The following RALYL variants were observed in gnomAD, a reference collection of about 807,000 sequenced individuals.
The protein encoded by RALYL is RNA-binding Raly-like protein.
In RALYL, 29 loss-of-function variants were observed where a neutral mutation model predicts 35.1. The ratio of observed to expected loss-of-function variants is 0.83; its 90% confidence interval spans 0.61 to 1.13. The LOEUF (loss-of-function observed/expected upper bound fraction) is 1.13. Ranked by LOEUF, RALYL falls within the 50% of genes most tolerant of loss-of-function variation. The pLI, the probability that RALYL is intolerant of heterozygous loss-of-function variation, is 0.00. For synonymous variants in RALYL, 120 were observed against 127.6 expected (o/e 0.94, Z 0.40); for missense variants, 359 against 360.4 (o/e 1.00, Z 0.03).
chr8:84,852,079 T>A (rs1052865792), intron 5 of RALYL, among the ~76,000 whole-genome samples: 3 of 152,172 alleles, frequency 2.0e-5, no homozygotes, highest in Non-Finnish European at 4.4e-5. Context: ...AGCTAATTAG[T>A]GACAGAACTA....
At chr8:84,524,944 G>T (rs2058759307) in intron 1 of RALYL, among the ~76,000 whole-genome samples, 1 of 151,306 alleles carries the variant, frequency 6.6e-6, no homozygotes, top group Non-Finnish European at 1.5e-5. Context: ...ATAGCTAGAT[G>T]TATTTCTGAT....
chr8:84,640,993 T>C (rs547482434), intron 2 of RALYL, among the ~76,000 whole-genome samples: 74 of 151,918 alleles, frequency 4.9e-4, no homozygotes, highest in African/African-American at 1.5e-3. Context: ...ACAGCTTACA[T>C]AGACCATTTA....
chr8:84,664,348 GT>G (rs527771409), intron 2 of RALYL, among the ~76,000 whole-genome samples: 3 of 137,582 alleles, frequency 2.2e-5, no homozygotes, highest in African/African-American at 8.1e-5. Context: ...TTTAAAATAG[GT>G]TTTTTCTAGT....
chr8:84,631,376 T>C (rs1346682249), intron 2 of RALYL, among the ~76,000 whole-genome samples: 3 of 151,970 alleles, frequency 2.0e-5, no homozygotes, highest in Non-Finnish European at 4.4e-5. Context: ...CCTTTTAGTG[T>C]TTGGAAATTG....
chr8:84,725,329 T>C (rs1449761364), intron 2 of RALYL, among the ~76,000 whole-genome samples: 1 of 151,764 alleles, frequency 6.6e-6, no homozygotes, highest in Admixed American at 6.6e-5. Context: ...TCTTTTTCCA[T>C]TACTATAGAA....
rs181619870 is a variant in RALYL at position 84,864,613 on chromosome 8, G to C, written c.571+2160G>C. The C allele has an allele frequency of 1.7e-4, 46 of 268,840 alleles. No individual in the cohort carries two copies. In the East Asian group the frequency reaches 3.2e-3, roughly 18 times the overall value. The allele number at this position is 268,840 out of a possible 1,614,324, so 16.7% of individuals were successfully genotyped here. ...TATCCTAAGGATTAAATCTAAGCTT[G>C]GAGGTAGAATAGTCATGTGGTTTCC... On this transcript the variant is annotated intron_variant, in intron 6 of 8. Transcript: ENST00000521268.
At chr8:84,823,598 T>A (rs1305945554) in intron 4 of RALYL, among the ~76,000 whole-genome samples, 1 of 152,052 alleles carries the variant, frequency 6.6e-6, no homozygotes, top group Non-Finnish European at 1.5e-5. Context: ...GTTTTAACTT[T>A]TCTTCAACTT....
chr8:84,732,690 A>ACACACACACACT (rs1846464570), intron 2 of RALYL, among the ~76,000 whole-genome samples: 1 of 147,924 alleles, frequency 6.8e-6, no homozygotes, highest in Non-Finnish European at 1.5e-5. Context: ...ATATACACAC[A>ACACACACACACT]CACACACATA....
chr8:84,903,402 C>T (rs1030430880), intron 8 of RALYL, among the ~76,000 whole-genome samples: 4 of 152,052 alleles, frequency 2.6e-5, no homozygotes, highest in African/African-American at 9.7e-5. Flanking sequence ...GTATTTTGGT[C>T]TTTTGAATCC....
chr8:84,738,707 T>C (rs888274414), intron 2 of RALYL, among the ~76,000 whole-genome samples: 2 of 152,000 alleles, frequency 1.3e-5, no homozygotes, highest in Non-Finnish European at 1.5e-5. Context: ...CTTTAGCACA[T>C]TGTAAACCAT....
chr8:84,243,770 C>T (rs377718574), intron 1 of RALYL, among the ~76,000 whole-genome samples: 76 of 152,068 alleles, frequency 5.0e-4, no homozygotes, highest in African/African-American at 1.7e-3. Flanking sequence ...AAGAGAATAC[C>T]CTTCTAGCTG....
chr8:84,893,690 G>A (rs1037068404), intron 8 of RALYL, among the ~76,000 whole-genome samples: 1 of 152,158 alleles, frequency 6.6e-6, no homozygotes, highest in East Asian at 1.9e-4. Context: ...ATTATCTCAA[G>A]AAGCAGCCCT....
At chr8:84,835,734 C>T (rs1831884019) in intron 4 of RALYL, among the ~76,000 whole-genome samples, 1 of 149,234 alleles carries the variant, frequency 6.7e-6, no homozygotes, top group African/African-American at 2.5e-5. Context: ...AAAGAATATA[C>T]CACATATGTT....
chr8:84,183,327 T>G lies in RALYL; in HGVS notation c.-1121T>G, dbSNP rs1811710409. The G allele has an allele frequency of 6.5e-6, 1 of 154,630 alleles. No homozygotes were observed. The highest frequency in any genetic ancestry group is 1.4e-5 in the Non-Finnish European group (1 of 69,378). 9.6% of individuals were successfully genotyped at this position (154,630 alleles called of 1,614,324 possible). A position where few individuals can be genotyped will look rare whatever the true frequency, so the allele number is the denominator to read the frequency against. ...CCGCTGCCGCTGCTGCCGCCACTGGTGTTGCCGCTCTCAGGCGCCAGGCTC... is the reference window on the plus strand; with the variant it reads ...CCGCTGCCGCTGCTGCCGCCACTGGGGTTGCCGCTCTCAGGCGCCAGGCTC... On this transcript the variant is annotated 5_prime_UTR_variant, in exon 1 of 9. Coordinates refer to ENST00000521268, the MANE Select transcript of RALYL (RefSeq NM_173848.7).
intron 2 of RALYL, among the ~76,000 whole-genome samples, chr8:84,535,602 A>ATTATT (rs71273903): frequency 0.044 from 6,099 of 138,374 alleles, 220 homozygotes; most frequent in Middle Eastern, 0.062. Context: ...CGCCCGGCTA[A>ATTATT]TTATTTTATT....
intron 1 of RALYL, among the ~76,000 whole-genome samples, chr8:84,353,919 G>T (rs1851369897): frequency 6.7e-6 from 1 of 149,952 alleles, no homozygotes; most frequent in African/African-American, 2.5e-5. Flanking sequence ...AGAGATTTTT[G>T]ACTTTAAAGC....
chr8:84,437,316 G>T (rs577149854), intron 1 of RALYL, among the ~76,000 whole-genome samples: 1 of 152,176 alleles, frequency 6.6e-6, no homozygotes, highest in East Asian at 1.9e-4. Context: ...GTGTTGTGAT[G>T]AACACACAAG....
chr8:84,292,036 T>A (rs1053199228), intron 1 of RALYL, among the ~76,000 whole-genome samples: 2 of 151,654 alleles, frequency 1.3e-5, no homozygotes, highest in South Asian at 4.1e-4. Context: ...AGAAAAATAA[T>A]GTTACAGGTT....
At chr8:84,916,223 A>G (rs1848453894) in intron 8 of RALYL, among the ~76,000 whole-genome samples, 1 of 152,142 alleles carries the variant, frequency 6.6e-6, no homozygotes, top group Non-Finnish European at 1.5e-5. Flanking sequence ...CTTTTGCATC[A>G]TGTTTTACTT....
Sources: gnomAD v4.1 joint callset for allele counts (sites outside exome capture counted in the v4.1 genomes callset) on GRCh38, gnomAD v4.1.1 for gene constraint, MANE v1.5 for transcripts, NCBI Gene and HGNC (gene_info 2026-07-23, HGNC 2026-07-21) for gene names.